The following ASCC3 variants were observed in gnomAD, a reference collection of about 807,000 sequenced individuals.
The protein encoded by ASCC3 is ASC-1 complex subunit P200.
A neutral mutation model predicts 256.3 loss-of-function variants in ASCC3; 158 were observed. The ratio of observed to expected loss-of-function variants is 0.62; its 90% confidence interval spans 0.54 to 0.70. ASCC3 has a LOEUF of 0.70. ASCC3 is among the 30% of genes least tolerant of loss of function. ASCC3 has a pLI of 0.00. For synonymous variants in ASCC3, 948 were observed against 883.4 expected, an observed-to-expected ratio of 1.07 and a Z score of -1.30; for missense variants, 2,259 against 2,626.0, an observed-to-expected ratio of 0.86 and a Z score of 3.05.
At chr6:100,754,705 T>A (rs911868004) in intron 10 of ASCC3, among the ~76,000 whole-genome samples, 1 of 152,156 alleles carries the variant, frequency 6.6e-6, no homozygotes, top group Non-Finnish European at 1.5e-5. Flanking sequence ...GATTTTTAGA[T>A]CTGATATGGT....
At chr6:100,846,348 A>C (rs891974695) in intron 4 of ASCC3, among the ~76,000 whole-genome samples, 3 of 152,252 alleles carry the variant, frequency 2.0e-5, no homozygotes, top group African/African-American at 7.2e-5. Flanking sequence ...CAGAACAAAA[A>C]TTATGACAAT....
At chr6:100,644,339 C>T (rs1489535266) in intron 22 of ASCC3, among the ~76,000 whole-genome samples, 2 of 152,062 alleles carry the variant, frequency 1.3e-5, no homozygotes, top group African/African-American at 2.4e-5. Context: ...ACATTTTCAC[C>T]ACCTCAAAAA....
At chr6:100,521,602 G>C (rs948301051) in intron 37 of ASCC3, among the ~76,000 whole-genome samples, 2 of 152,138 alleles carry the variant, frequency 1.3e-5, no homozygotes, top group African/African-American at 4.8e-5. Context: ...GCATCCACTG[G>C]GGGTCTTGGA....
At chr6:100,694,525 G>A (rs1056353230) in intron 13 of ASCC3, among the ~76,000 whole-genome samples, 2 of 152,082 alleles carry the variant, frequency 1.3e-5, no homozygotes, top group Non-Finnish European at 2.9e-5. Context: ...TGTTTCTAAA[G>A]AGTTTATAAA....
chr6:100,638,946 CTT>C (rs1364120063), intron 24 of ASCC3, 125 bp from the exon 25 acceptor site: 6 of 778,314 alleles, frequency 7.7e-6, no homozygotes, highest in Non-Finnish European at 1.3e-5. Context: ...AACACAAACT[CTT>C]ATATACCCAT....
At chr6:100,589,591 C>A in intron 36 of ASCC3, 43 bp downstream of exon 36, 2 of 1,609,618 alleles carry the variant, frequency 1.2e-6, no homozygotes, top group East Asian at 4.5e-5. Context: ...AAACTTTAAG[C>A]CCTAAATTAA....
At chr6:100,608,099 C>A (rs1225491915) in intron 30 of ASCC3, among the ~76,000 whole-genome samples, 2 of 118,402 alleles carry the variant, frequency 1.7e-5, no homozygotes, top group African/African-American at 6.8e-5. Flanking sequence ...TCTATATACA[C>A]ATATATATGT....
intron 8 of ASCC3, among the ~76,000 whole-genome samples, chr6:100,787,230 C>T (rs1769128010): frequency 6.6e-6 from 1 of 151,958 alleles, no homozygotes; most frequent in Non-Finnish European, 1.5e-5. Context: ...GCAACTGACA[C>T]CCCCTTGTAT....
At chr6:100,551,237 A>G (rs1289710909) in intron 36 of ASCC3, among the ~76,000 whole-genome samples, 1 of 151,994 alleles carries the variant, frequency 6.6e-6, no homozygotes, top group African/African-American at 2.4e-5. Context: ...ACACAATGGT[A>G]AACAAAAAGA....
chr6:100,512,581 G>A, intron 40 of ASCC3, 128 bp downstream of exon 40: 1 of 995,682 alleles, frequency 1.0e-6, no homozygotes. Context: ...AACTCTCGCT[G>A]CTTAAGACCA....
At chr6:100,512,316 G>T (rs1773803217) in intron 40 of ASCC3, among the ~76,000 whole-genome samples, 2 of 152,060 alleles carry the variant, frequency 1.3e-5, no homozygotes, top group African/African-American at 4.8e-5. Context: ...AAGCTTTAAG[G>T]CCCTTAAAAA....
At chr6:100,719,620 A>T (rs1413844158) in intron 11 of ASCC3, among the ~76,000 whole-genome samples, 1 of 152,076 alleles carries the variant, frequency 6.6e-6, no homozygotes, top group Non-Finnish European at 1.5e-5. Context: ...AGTTAAATCT[A>T]TGTGAGAAAT....
chr6:100,747,413 C>T (rs1251451946), intron 10 of ASCC3, among the ~76,000 whole-genome samples: 2 of 151,968 alleles, frequency 1.3e-5, no homozygotes, highest in African/African-American at 2.4e-5. Context: ...TGAATGCATG[C>T]GTCCATACAA....
intron 10 of ASCC3, among the ~76,000 whole-genome samples, chr6:100,764,757 A>C (rs892309641): frequency 6.6e-6 from 1 of 152,124 alleles, no homozygotes; most frequent in Non-Finnish European, 1.5e-5. Flanking sequence ...TCTAAGTCCA[A>C]TTATCTCCCA....
chr6:100,583,266 C>T (rs957327281), intron 36 of ASCC3, among the ~76,000 whole-genome samples: 3 of 152,250 alleles, frequency 2.0e-5, no homozygotes, highest in African/African-American at 7.2e-5. Context: ...ATTTCAAATC[C>T]TGTTATTGCT....
intron 37 of ASCC3, among the ~76,000 whole-genome samples, chr6:100,533,108 GT>G (rs1306191751): frequency 6.7e-6 from 1 of 149,420 alleles, no homozygotes; most frequent in Non-Finnish European, 1.5e-5. Context: ...TTTTTGTTTT[GT>G]TTTTTTGTTT....
chr6:100,656,060 G>A lies in ASCC3; in HGVS notation c.2704-242C>T, dbSNP rs146264831. ...AGAACTGAACTTACTCAATATTATG[G>A]CAGACAATTATTTTTCTTTATAAGG... On this transcript the variant is annotated intron_variant, in intron 16 of 41. Transcript: ENST00000369162. 9.2e-3 allele frequency among the ~76,000 whole-genome samples: 1,396 copies of A among 151,694 alleles called. 14 individuals carry two copies. The highest frequency in any genetic ancestry group is 0.013 in the Non-Finnish European group (898 of 67,618).
At chr6:100,704,686 GAC>G (rs34595325) in intron 13 of ASCC3, among the ~76,000 whole-genome samples, 66,476 of 151,516 alleles carry the variant, frequency 0.44, 14,775 homozygotes, top group South Asian at 0.6. Flanking sequence ...GAGAAAATAA[GAC>G]ACACATCTAA....
In ASCC3 at chr6:100,718,197, T is replaced by G. The variant is rs1186397140; in HGVS notation, c.1957A>C (p.Asn653His). 1.2e-6 allele frequency: 2 copies of G among 1,613,306 alleles called. No homozygotes were observed. Among genetic ancestry groups the G allele is most frequent in the Non-Finnish European group, 1.7e-6 (2 of 1,179,536 alleles). Residue 653 changes from asparagine (N) to histidine (H), a missense_variant, in exon 12 of 42, where the codon AAC becomes CAC. This residue lies in a region of ASCC3 where 1,839 missense variants were observed against 2,206.7 expected (regional missense o/e 0.83). Transcript: ENST00000369162. ...AAAAATGTGGCAACATCGAGGTAGT[T>G]AGGTAAAGTTGCAGACAGTCCGAGA... ...RILGLSATLP[N>H]YLDVATFLHV...
Sources: allele counts gnomAD v4.1 joint callset (sites outside exome capture counted in the v4.1 genomes callset), GRCh38; gene constraint gnomAD v4.1.1; regional missense constraint gnomAD v4.1.1; transcripts MANE v1.5; gene names NCBI Gene and HGNC (gene_info 2026-07-23, HGNC 2026-07-21).